Variants in GPR26 observed in about 807,000 individuals in gnomAD.
GPR26 encodes G protein-coupled receptor 26.
A neutral mutation model predicts 23.1 loss-of-function variants in GPR26; 15 were observed. That is an observed-to-expected ratio of 0.65 (90% CI 0.43 to 1.00). The LOEUF (loss-of-function observed/expected upper bound fraction) is 1.00, where lower values mean the gene tolerates loss of function less well. Among genes scored for constraint, GPR26 ranks in the 50% least tolerant of loss-of-function variants. The pLI is 0.00. For synonymous variants in GPR26, 228 were observed against 222.1 expected, an observed-to-expected ratio of 1.03 and a Z score of -0.24; for missense variants, 359 against 470.5, an observed-to-expected ratio of 0.76 and a Z score of 2.19.
At chr10:123,679,172 C>T (rs535932818) in intron 2 of GPR26, among the ~76,000 whole-genome samples, 62 of 152,246 alleles carry the variant, frequency 4.1e-4, no homozygotes, top group African/African-American at 1.4e-3. Flanking sequence ...GAAAATGAGC[C>T]CTTGTGGAGA....
Position 123,666,925 on chromosome 10 carries a change from C to A in GPR26, c.518C>A (p.Thr173Asn). Reference sequence around the variant, plus strand: ...GAGCGCCTGCGCTTCGCCGTCTTCACTGGCGCCTTCCACGCTCTCAGCTTC... The same window carrying A: ...GAGCGCCTGCGCTTCGCCGTCTTCAATGGCGCCTTCCACGCTCTCAGCTTC... ...PDERLRFAVFTGAFHALSFLL... is the reference protein window; with the variant it reads ...PDERLRFAVFNGAFHALSFLL... The change falls in exon 1 of 3, where the codon ACT (threonine) becomes AAT (asparagine). Residue 173 changes from threonine (T) to asparagine (N), a missense_variant. Transcript: ENST00000284674. 6.2e-7 allele frequency: 1 copy of A among 1,613,482 alleles called. No individual in the cohort carries two copies. Among genetic ancestry groups the A allele is most frequent in the Non-Finnish European group, 8.5e-7 (1 of 1,179,852 alleles).
chr10:123,675,524 C>G (rs2133924754), intron 2 of GPR26, among the ~76,000 whole-genome samples: 1 of 152,212 alleles, frequency 6.6e-6, no homozygotes, highest in East Asian at 1.9e-4. Context: ...TCGAGCCAGC[C>G]AAGATTGCAA....
intron 2 of GPR26, among the ~76,000 whole-genome samples, chr10:123,685,761 G>A (rs996267263): frequency 3.9e-5 from 6 of 152,188 alleles, no homozygotes; most frequent in Admixed American, 1.3e-4. Flanking sequence ...TCTTGGCGTG[G>A]CCACTAGCCA....
intron 2 of GPR26, among the ~76,000 whole-genome samples, chr10:123,677,231 A>T (rs1456921841): frequency 1.3e-5 from 2 of 152,138 alleles, no homozygotes; most frequent in African/African-American, 2.4e-5. Flanking sequence ...CCAGGAAGTA[A>T]CGTTTCAGTA....
rs1845533258 is a variant in GPR26 at position 123,695,429 on chromosome 10, C to T, written c.*7269C>T. On this transcript the variant is annotated 3_prime_UTR_variant, in exon 3 of 3. Coordinates refer to ENST00000284674, the MANE Select transcript of GPR26 (RefSeq NM_153442.4). ...GCCAAAGCCCATGATTTGATGGTTTCAAGAGCCTAAAATCTGTATTTGGAG... is the reference window on the plus strand; with the variant it reads ...GCCAAAGCCCATGATTTGATGGTTTTAAGAGCCTAAAATCTGTATTTGGAG... 6.6e-6 allele frequency among the ~76,000 whole-genome samples: 1 copy of T among 152,110 alleles called. No individual in the cohort carries two copies. The highest frequency in any genetic ancestry group is 1.5e-5 in the Non-Finnish European group (1 of 68,030).
Position 123,674,224 on chromosome 10 carries a change from C to G in GPR26, c.669-594C>G, listed in dbSNP as rs543640003. On this transcript the variant is annotated intron_variant, in intron 1 of 2. Coordinates refer to ENST00000284674, the MANE Select transcript of GPR26 (RefSeq NM_153442.4). This position sits in a 1 kb window ranked among gnomAD's most constrained non-coding sequence, Gnocchi z 4.1. ...CCACCCACTTCGGCCTCCCAAAGTG[C>G]TGGGATTACAGGTGTGAGCCACTGT... Among the ~76,000 whole-genome samples the G allele has an allele frequency of 6.6e-6, 1 of 152,242 alleles. No homozygotes were observed. The highest frequency in any genetic ancestry group is 1.5e-5 in the Non-Finnish European group (1 of 68,022).
At chr10:123,668,898 G>A (rs867990386) in intron 1 of GPR26, among the ~76,000 whole-genome samples, 1 of 152,224 alleles carries the variant, frequency 6.6e-6, no homozygotes, top group African/African-American at 2.4e-5. Flanking sequence ...CAGAAGAGGA[G>A]GGGCCGTGGT....
At chr10:123,670,167 G>C (rs532864630) in intron 1 of GPR26, among the ~76,000 whole-genome samples, 1 of 152,178 alleles carries the variant, frequency 6.6e-6, no homozygotes, top group African/African-American at 2.4e-5. Flanking sequence ...AGGCTCTGCT[G>C]GTTCCCCCAG....
At chr10:123,667,121 T>C in intron 1 of GPR26, 46 bp downstream of exon 1, 1 of 1,382,252 alleles carries the variant, frequency 7.2e-7, no homozygotes, top group Non-Finnish European at 9.8e-7. Flanking sequence ...GCGCGGGATC[T>C]CGGCGGGAGT....
At chr10:123,680,307 A>G (rs1845355944) in intron 2 of GPR26, among the ~76,000 whole-genome samples, 1 of 152,212 alleles carries the variant, frequency 6.6e-6, no homozygotes, top group African/African-American at 2.4e-5. Context: ...TGGATCTGAC[A>G]TTGCTGTGCC....
chr10:123,681,190 C>T (rs1845371146), intron 2 of GPR26, among the ~76,000 whole-genome samples: 1 of 152,156 alleles, frequency 6.6e-6, no homozygotes, highest in South Asian at 2.1e-4. Flanking sequence ...CAGGTTCCAG[C>T]CTTCCCCAAT....
chr10:123,669,188 G>T (rs1251503973), intron 1 of GPR26, among the ~76,000 whole-genome samples: 1 of 152,244 alleles, frequency 6.6e-6, no homozygotes, highest in African/African-American at 2.4e-5. Flanking sequence ...CCATCGGCCA[G>T]TGCCAACAGG....
In GPR26 at chr10:123,689,003, C is replaced by T. The variant is rs1845461437; in HGVS notation, c.*843C>T. On this transcript the variant is annotated 3_prime_UTR_variant, in exon 3 of 3. Coordinates refer to ENST00000284674, the MANE Select transcript of GPR26 (RefSeq NM_153442.4). ...AGGAGGAAGGTGGCTGGTTGGTCCT[C>T]CCTTCCCCCTGTTTGTGACCTGAAT... 6.6e-6 allele frequency: 1 copy of T among 152,154 alleles called. No homozygotes were observed. The highest frequency in any genetic ancestry group is 1.5e-5 in the Non-Finnish European group (1 of 68,034). The allele number at this position is 152,154 out of a possible 1,614,324, so 9.4% of individuals were successfully genotyped here.
rs897603595 is a variant in GPR26 at position 123,666,423 on chromosome 10, G to A, written c.16G>A (p.Ala6Thr). The change falls in exon 1 of 3, where the codon GCG (alanine) becomes ACG (threonine). Residue 6 changes from alanine to threonine, a missense_variant. Ala to Thr is a moderately conservative substitution (Grantham distance 58). Transcript: ENST00000284674. Reference sequence around the variant, plus strand: ...GGCGCGCACCATGAACTCGTGGGACGCGGGCCTGGCGGGGCTACTGGTGGG... The same window carrying A: ...GGCGCGCACCATGAACTCGTGGGACACGGGCCTGGCGGGGCTACTGGTGGG... MNSWD[A>T]GLAGLLVGTM... is the part of the protein sequence containing the mutation. The A allele has an allele frequency of 6.6e-7, 1 of 1,510,868 alleles. No homozygotes were observed. Among genetic ancestry groups the A allele is most frequent in the Non-Finnish European group, 8.8e-7 (1 of 1,139,320 alleles). The allele number at this position is 1,510,868 out of a possible 1,614,324, so 93.6% of individuals were successfully genotyped here.
chr10:123,683,775 T>A (rs998425374), intron 2 of GPR26, among the ~76,000 whole-genome samples: 3 of 152,152 alleles, frequency 2.0e-5, no homozygotes, highest in African/African-American at 7.2e-5. Flanking sequence ...TGTCAGAACA[T>A]AGGAGTACAA....
rs1336282341 is a variant in GPR26 at position 123,696,356 on chromosome 10, C to T, written c.*8196C>T. 2.6e-5 allele frequency among the ~76,000 whole-genome samples: 4 copies of T among 152,166 alleles called. No individual in the cohort carries two copies. Among genetic ancestry groups the T allele is most frequent in the African/African-American group, 9.6e-5 (4 of 41,452 alleles). ...GGCTCCTAGTAATGAGGGCACTGAACACCAATTCTTTACATTCCTTGAATT... is the reference window on the plus strand; with the variant it reads ...GGCTCCTAGTAATGAGGGCACTGAATACCAATTCTTTACATTCCTTGAATT... On this transcript the variant is annotated 3_prime_UTR_variant, in exon 3 of 3. Transcript: ENST00000284674.
chr10:123,685,669 G>A (rs1261013423), intron 2 of GPR26, among the ~76,000 whole-genome samples: 1 of 152,242 alleles, frequency 6.6e-6, no homozygotes, highest in Non-Finnish European at 1.5e-5. Context: ...ACAGCATATA[G>A]TGACCTCATG....
intron 2 of GPR26, among the ~76,000 whole-genome samples, chr10:123,685,299 C>T (rs1025428636): frequency 9.8e-5 from 15 of 152,324 alleles, no homozygotes; most frequent in African/African-American, 3.6e-4. Context: ...CAGATGCCTG[C>T]CCGGATCTGG....
chr10:123,692,674 G>A lies in GPR26; in HGVS notation c.*4514G>A, dbSNP rs1222735722. ...GCAGGTTCAGGGGAGAAAGTTGTTT[G>A]AGATCAGGGTTTAGGGGTAGTGTTT... On this transcript the variant is annotated 3_prime_UTR_variant, in exon 3 of 3. Coordinates refer to ENST00000284674, the MANE Select transcript of GPR26 (RefSeq NM_153442.4). 1 of 152,278 alleles carries A rather than the reference G, an allele frequency of 6.6e-6. No individual in the cohort carries two copies. 9.4% of individuals were successfully genotyped at this position (152,278 alleles called of 1,614,324 possible).
Sources: allele counts gnomAD v4.1 joint callset (sites outside exome capture counted in the v4.1 genomes callset), GRCh38; gene constraint gnomAD v4.1.1; non-coding constraint Gnocchi (gnomAD v3.1); transcripts MANE v1.5; gene names NCBI Gene and HGNC (gene_info 2026-07-23, HGNC 2026-07-21).